PTPRD: variants seen among roughly 807,000 people sequenced by gnomAD.
PTPRD encodes the protein receptor-type tyrosine-protein phosphatase delta.
A neutral mutation model predicts 214.5 loss-of-function variants in PTPRD; 34 were observed. The ratio of observed to expected loss-of-function variants is 0.16; its 90% CI spans 0.12 to 0.21. The LOEUF (loss-of-function observed/expected upper bound fraction) is 0.21, where lower values mean the gene tolerates loss of function less well. Among genes scored for constraint, PTPRD ranks in the 10% least tolerant of loss-of-function variants. The pLI is 1.00. For synonymous variants in PTPRD, 1,128 were observed against 845.7 expected, an observed-to-expected ratio of 1.33 and a Z score of -5.79; for missense variants, 2,545 against 2,398.7, an observed-to-expected ratio of 1.06 and a Z score of -1.27.
chr9:8,340,571 CATATT>C (rs1410169661), intron 41 of PTPRD, 102 bp from the exon 42 acceptor site: 1 of 1,173,730 alleles, frequency 8.5e-7, no homozygotes, highest in Non-Finnish European at 1.1e-6. Flanking sequence ...AAAACGAAAA[CATATT>C]ATTAATGCAA....
At chr9:10,524,993 G>C (rs1289159671) in intron 2 of PTPRD, among the ~76,000 whole-genome samples, 4 of 151,356 alleles carry the variant, frequency 2.6e-5, no homozygotes, top group African/African-American at 9.7e-5. Context: ...ACAACACTAA[G>C]ACCTATATCA....
intron 11 of PTPRD, among the ~76,000 whole-genome samples, chr9:8,837,479 C>T (rs1377444924): frequency 6.7e-6 from 1 of 149,944 alleles, no homozygotes; most frequent in Non-Finnish European, 1.5e-5. Context: ...GAAGACTAAT[C>T]TCCTTTTCTC....
intron 4 of PTPRD, among the ~76,000 whole-genome samples, chr9:9,987,984 T>G (rs1450618644): frequency 6.6e-6 from 1 of 152,202 alleles, no homozygotes; most frequent in Non-Finnish European, 1.5e-5. Flanking sequence ...AGTTTCATTA[T>G]AATCGAGTCA....
intron 2 of PTPRD, among the ~76,000 whole-genome samples, chr9:10,505,757 A>T (rs2045729612): frequency 1.3e-5 from 2 of 152,192 alleles, no homozygotes; most frequent in Admixed American, 1.3e-4. Context: ...ATTTTAAGTG[A>T]GTATATGTCA....
At chr9:8,418,617 A>G (rs528361594) in intron 35 of PTPRD, among the ~76,000 whole-genome samples, 1 of 151,926 alleles carries the variant, frequency 6.6e-6, no homozygotes, top group African/African-American at 2.4e-5. Context: ...ATTTCTGTGA[A>G]AGTCTTTCAA....
chr9:8,551,870 A>G (rs563256392), intron 14 of PTPRD, among the ~76,000 whole-genome samples: 1 of 152,338 alleles, frequency 6.6e-6, no homozygotes, highest in South Asian at 2.1e-4. Context: ...ATCAAACCAG[A>G]AATGTGATCC....
chr9:8,674,927 A>C (rs1439572453), intron 12 of PTPRD, among the ~76,000 whole-genome samples: 1 of 152,222 alleles, frequency 6.6e-6, no homozygotes, highest in East Asian at 1.9e-4. Context: ...CTGTAAATCT[A>C]GATACTGTCA....
chr9:9,629,201 A>C (rs935165529), intron 7 of PTPRD, among the ~76,000 whole-genome samples: 6 of 144,800 alleles, frequency 4.1e-5, no homozygotes, highest in African/African-American at 1.4e-4. Flanking sequence ...AAAAATTAAA[A>C]AATGAAAATT....
chr9:9,980,528 A>C (rs1361584216), intron 4 of PTPRD, among the ~76,000 whole-genome samples: 2 of 145,634 alleles, frequency 1.4e-5, no homozygotes, highest in Non-Finnish European at 3.0e-5. Flanking sequence ...GAATCGCTTG[A>C]ACCCGGGGGG....
intron 6 of PTPRD, among the ~76,000 whole-genome samples, chr9:9,748,469 A>G (rs747878531): frequency 2.0e-5 from 3 of 152,238 alleles, no homozygotes; most frequent in Non-Finnish European, 4.4e-5. Flanking sequence ...AAGATCTGTC[A>G]ATTGTGATTC....
chr9:8,580,547 G>A (rs1272459169), intron 14 of PTPRD, among the ~76,000 whole-genome samples: 1 of 152,272 alleles, frequency 6.6e-6, no homozygotes, highest in East Asian at 1.9e-4. Flanking sequence ...ACCAAAGTAC[G>A]TGATAGTCTG....
chr9:9,642,907 T>C (rs1231968952), intron 7 of PTPRD, among the ~76,000 whole-genome samples: 1 of 152,226 alleles, frequency 6.6e-6, no homozygotes, highest in Non-Finnish European at 1.5e-5. Flanking sequence ...CTGTGATTTG[T>C]ACCTAGTGCA....
chr9:9,262,165 T>C (rs2099980408), intron 9 of PTPRD, among the ~76,000 whole-genome samples: 1 of 151,606 alleles, frequency 6.6e-6, no homozygotes, highest in South Asian at 2.1e-4. Context: ...AAAGCAATAT[T>C]AGAATAAAAA....
intron 2 of PTPRD, among the ~76,000 whole-genome samples, chr9:10,403,212 T>G (rs1407150811): frequency 1.4e-4 from 11 of 76,644 alleles, no homozygotes; most frequent in African/African-American, 4.2e-4. Context: ...TTTCTGTTAT[T>G]TGTGTGTGTG....
chr9:10,325,088 A>G (rs989257882), intron 3 of PTPRD, among the ~76,000 whole-genome samples: 1 of 152,024 alleles, frequency 6.6e-6, no homozygotes, highest in Non-Finnish European at 1.5e-5. Flanking sequence ...CTCCTCCCCA[A>G]TCTACTACTC....
At chr9:9,838,744 T>C (rs1359848008) in intron 5 of PTPRD, among the ~76,000 whole-genome samples, 2 of 152,218 alleles carry the variant, frequency 1.3e-5, no homozygotes, top group Non-Finnish European at 2.9e-5. Context: ...GTAGTTTCTT[T>C]TGCTGTGCAG....
rs558539104 is a variant in PTPRD, at chr9:8,920,511, C to G, written c.-104+98186G>C. 1.1e-4 allele frequency among the ~76,000 whole-genome samples: 17 copies of G among 152,236 alleles called. No homozygotes were observed. The South Asian group carries it at 3.5e-3, about 32-fold the overall frequency. ...AGGGGTATCCAATCTTTTGGCTTCC[C>G]TGGGCCACACTGGAAGAAGAATTGT... On this transcript the variant is annotated intron_variant, in intron 11 of 45. Coordinates refer to ENST00000381196, the MANE Select transcript of PTPRD (RefSeq NM_002839.4).
At chr9:10,513,632 A>AT (rs1241816908) in intron 2 of PTPRD, among the ~76,000 whole-genome samples, 2 of 152,144 alleles carry the variant, frequency 1.3e-5, no homozygotes, top group Non-Finnish European at 2.9e-5. Context: ...TGTCCAAGTG[A>AT]TTTGACTTGG....
At chr9:9,463,771 G>A (rs921585649) in intron 8 of PTPRD, among the ~76,000 whole-genome samples, 10 of 151,752 alleles carry the variant, frequency 6.6e-5, no homozygotes, top group African/African-American at 1.9e-4. Context: ...GATACTTTTC[G>A]TTTCTTTTGA....
Sources: gnomAD v4.1 joint callset for allele counts (sites outside exome capture counted in the v4.1 genomes callset) on GRCh38, gnomAD v4.1.1 for gene constraint, MANE v1.5 for transcripts, NCBI Gene and HGNC (gene_info 2026-07-23, HGNC 2026-07-21) for gene names.